The following DMD variants were observed in gnomAD, a reference collection of about 807,000 sequenced individuals.
DMD encodes the protein mutant dystrophin.
In DMD, 63 loss-of-function variants were observed where a neutral mutation model predicts 330.1. The ratio of observed to expected loss-of-function variants is 0.19; its 90% CI spans 0.16 to 0.24. DMD has a LOEUF of 0.24. Among genes scored for constraint, DMD ranks in the 10% least tolerant of loss-of-function variants. DMD has a pLI of 1.00. For synonymous variants in DMD, 1,223 were observed against 959.8 expected (o/e 1.27, Z -5.07); for missense variants, 3,344 against 2,684.1 (o/e 1.25, Z -5.43).
intron 74 of DMD, among the ~76,000 whole-genome samples, chrX:31,152,184 C>CTTTTTT (rs1161340463): frequency 0.032 from 3,183 of 98,206 alleles, 184 homozygotes; most frequent in African/African-American, 0.11. Context: ...CTTTAAGCAT[C>CTTTTTT]TTTTTTTTTT....
chrX:33,164,931 T>C (rs1445056430), intron 1 of DMD, among the ~76,000 whole-genome samples: 1 of 101,594 alleles, frequency 9.8e-6, no homozygotes, highest in African/African-American at 3.7e-5. Context: ...TTTCTTTCTT[T>C]TTTTTTTTTT....
At chrX:32,747,295 G>C (rs1482983522) in intron 7 of DMD, among the ~76,000 whole-genome samples, 1 of 111,830 alleles carries the variant, frequency 8.9e-6, no homozygotes, top group Non-Finnish European at 1.9e-5. Flanking sequence ...AGGCAATTCT[G>C]AGGATTAACC....
chrX:32,034,410 G>A (rs544668527), intron 44 of DMD, among the ~76,000 whole-genome samples: 5 of 111,410 alleles, frequency 4.5e-5, no homozygotes, highest in African/African-American at 1.3e-4. Flanking sequence ...TGACTATAGA[G>A]TCATAATTTT....
chrX:31,187,717 CAGAGAGAGAGAGAGAGAGAGAGAGAGAG>C (rs55674554), intron 67 of DMD, among the ~76,000 whole-genome samples: 4,480 of 66,804 alleles, frequency 0.067, 210 homozygotes, highest in South Asian at 0.078. Context: ...CCCAGATTCT[CAGAGAGAGAGAGAGAGAGAGAGAGAGAG>C]AGAGAGAGAG....
At chrX:33,165,708 T>C (rs772664349) in intron 1 of DMD, among the ~76,000 whole-genome samples, 1 of 111,704 alleles carries the variant, frequency 9.0e-6, no homozygotes, top group South Asian at 3.7e-4. Flanking sequence ...TCAGTACATA[T>C]TTATACAAAC....
chrX:31,649,949 A>T, intron 54 of DMD, among the ~76,000 whole-genome samples: 1 of 109,971 alleles, frequency 9.1e-6, no homozygotes, highest in African/African-American at 3.3e-5. Context: ...GGTCATTTGT[A>T]GCTTTAAATT....
chrX:32,109,099 T>C (rs990206875), intron 44 of DMD, among the ~76,000 whole-genome samples: 1 of 111,838 alleles, frequency 8.9e-6, no homozygotes, highest in Non-Finnish European at 1.9e-5. Flanking sequence ...ACCAATATTA[T>C]TTGCATATTC....
chrX:31,811,681 G>A, intron 50 of DMD, among the ~76,000 whole-genome samples: 1 of 111,564 alleles, frequency 9.0e-6, no homozygotes, highest in Non-Finnish European at 1.9e-5. Flanking sequence ...AAGGTTTAGA[G>A]CCTGTAACTA....
intron 2 of DMD, among the ~76,000 whole-genome samples, chrX:32,899,686 A>AAG (rs1557126310): frequency 1.8e-5 from 2 of 109,936 alleles, no homozygotes; most frequent in African/African-American, 6.6e-5. Context: ...AAAAAAAAAA[A>AAG]AAAGAAAGAA....
chrX:31,959,769 GTTTTTT>G (rs201621257), intron 45 of DMD, among the ~76,000 whole-genome samples: 23,123 of 80,608 alleles, frequency 0.29, 2,721 homozygotes, highest in East Asian at 0.51. Context: ...CAGCACCGTG[GTTTTTT>G]TTTTTTTTTT....
intron 1 of DMD, among the ~76,000 whole-genome samples, chrX:33,082,290 T>C (rs1005582649): frequency 8.9e-6 from 1 of 112,196 alleles, no homozygotes; most frequent in Admixed American, 9.5e-5. Flanking sequence ...TACCTAATTT[T>C]AGCCATGCCA....
intron 55 of DMD, chrX:31,508,070 C>T: frequency 4.6e-6 from 2 of 438,214 alleles, no homozygotes; most frequent in Non-Finnish European, 8.1e-6. Flanking sequence ...GTTTTGATTT[C>T]CCATTTAATA....
intron 34 of DMD, among the ~76,000 whole-genome samples, chrX:32,378,340 T>A (rs2147437450): frequency 9.1e-6 from 1 of 109,608 alleles, no homozygotes; most frequent in African/African-American, 3.3e-5. Flanking sequence ...TTTTCCAATT[T>A]ATTTAGGCTT....
In DMD at chrX:32,731,310, T is replaced by G. The variant is rs190554191; in HGVS notation, c.650-32017A>C. On this transcript the variant is annotated intron_variant, in intron 7 of 78. Transcript: ENST00000357033. ...CTAGCACAGCAGTCTGAGATCAAAC[T>G]GCAAGGTGGCAGCAAGGCTGGGGGA... 2.8e-3 allele frequency among the ~76,000 whole-genome samples: 308 copies of G among 111,895 alleles called. 1 individual carries two copies. Among genetic ancestry groups the G allele is most frequent in the African/African-American group, 8.9e-3 (276 of 30,860 alleles).
intron 60 of DMD, among the ~76,000 whole-genome samples, chrX:31,383,644 C>A (rs1009522633): frequency 3.6e-5 from 4 of 111,741 alleles, no homozygotes; most frequent in African/African-American, 1.3e-4. Flanking sequence ...CATAGCCCAC[C>A]CTGCCCTCCA....
At chrX:32,952,061 T>C (rs1158893605) in intron 2 of DMD, among the ~76,000 whole-genome samples, 1 of 111,205 alleles carries the variant, frequency 9.0e-6, no homozygotes, top group Non-Finnish European at 1.9e-5. Context: ...TCTCAGTAAG[T>C]CTTTCCCTTA....
chrX:32,113,121 T>C (rs933804450), intron 44 of DMD, among the ~76,000 whole-genome samples: 3 of 112,910 alleles, frequency 2.7e-5, no homozygotes, highest in African/African-American at 9.6e-5. Context: ...AACTATTTAA[T>C]TAATTGACAA....
At chrX:32,564,862 C>A (rs2051497807) in intron 16 of DMD, among the ~76,000 whole-genome samples, 1 of 111,418 alleles carries the variant, frequency 9.0e-6, no homozygotes, top group African/African-American at 3.3e-5. Flanking sequence ...GAAATATTTG[C>A]CTAAAATCTA....
chrX:31,777,248 GAGA>G (rs1216859557), intron 50 of DMD, among the ~76,000 whole-genome samples: 1 of 111,444 alleles, frequency 9.0e-6, no homozygotes, highest in Non-Finnish European at 1.9e-5. Context: ...CTATTTTCAC[GAGA>G]AGATAATGGA....
Sources: gnomAD v4.1 joint callset for allele counts (sites outside exome capture counted in the v4.1 genomes callset) on GRCh38, gnomAD v4.1.1 for gene constraint, MANE v1.5 for transcripts, NCBI Gene and HGNC (gene_info 2026-07-23, HGNC 2026-07-21) for gene names.